The following RALA variants were observed in gnomAD, a reference collection of about 807,000 sequenced individuals.
RALA encodes the protein ras-related protein Ral-A.
Under a neutral mutation model 24.0 loss-of-function variants are expected in RALA, and 5 were observed. The ratio of observed to expected loss-of-function variants is 0.21; its 90% CI spans 0.11 to 0.44. The LOEUF (loss-of-function observed/expected upper bound fraction) is 0.44. RALA is among the 20% of genes least tolerant of loss of function. RALA has a pLI of 0.99. For missense variants in RALA, 95 were observed against 241.2 expected, an observed-to-expected ratio of 0.39 and a Z score of 4.01; for synonymous variants, 77 against 83.8, an observed-to-expected ratio of 0.92 and a Z score of 0.44.
intron 4 of RALA, among the ~76,000 whole-genome samples, chr7:39,699,542 C>G (rs1292114899): frequency 6.6e-6 from 1 of 152,190 alleles, no homozygotes; most frequent in Non-Finnish European, 1.5e-5. Context: ...CTGGAAATAT[C>G]CAAGTGTTCA....
chr7:39,691,070 C>T (rs954605078), intron 3 of RALA, among the ~76,000 whole-genome samples: 19 of 152,126 alleles, frequency 1.2e-4, no homozygotes, highest in African/African-American at 4.6e-4. Context: ...TTTCTTATTA[C>T]ATGGGAACCT....
intron 1 of RALA, among the ~76,000 whole-genome samples, chr7:39,640,708 A>G (rs1349790664): frequency 6.6e-6 from 1 of 152,188 alleles, no homozygotes; most frequent in African/African-American, 2.4e-5. Flanking sequence ...CCATGTATCT[A>G]TTAATAGTAT....
intron 1 of RALA, among the ~76,000 whole-genome samples, chr7:39,643,337 C>T (rs1791853129): frequency 6.6e-6 from 1 of 152,104 alleles, no homozygotes; most frequent in Non-Finnish European, 1.5e-5. Context: ...AGTTTATTTC[C>T]AAACAATTTT....
chr7:39,628,146 G>C (rs1791526481), intron 1 of RALA, among the ~76,000 whole-genome samples: 1 of 151,166 alleles, frequency 6.6e-6, no homozygotes, highest in South Asian at 2.1e-4. Context: ...TACTCCTACT[G>C]GTCCTTCAGA....
At chr7:39,643,985 A>T (rs1791883660) in intron 1 of RALA, among the ~76,000 whole-genome samples, 1 of 152,228 alleles carries the variant, frequency 6.6e-6, no homozygotes, top group South Asian at 2.1e-4. Context: ...ATAGCCTCTG[A>T]GAGCAGGTTA....
intron 4 of RALA, chr7:39,703,038 G>A (rs1230171812): frequency 1.3e-5 from 2 of 152,206 alleles, no homozygotes; most frequent in South Asian, 4.1e-4. Context: ...GATGATGGAT[G>A]TGCTAATTAC....
intron 3 of RALA, 71 bp from the exon 4 acceptor site, chr7:39,696,614 A>G (rs1182353971): frequency 3.2e-6 from 4 of 1,249,806 alleles, no homozygotes; most frequent in Non-Finnish European, 4.4e-6. Context: ...AAAAATAGGT[A>G]TGGGGCAAAC....
At chr7:39,681,751 T>C (rs1294221782) in intron 1 of RALA, among the ~76,000 whole-genome samples, 1 of 152,152 alleles carries the variant, frequency 6.6e-6, no homozygotes, top group African/African-American at 2.4e-5. Context: ...TCAAATATCA[T>C]CTGTAAACTG....
At chr7:39,690,923 A>G (rs1353023275) in intron 3 of RALA, among the ~76,000 whole-genome samples, 1 of 152,162 alleles carries the variant, frequency 6.6e-6, no homozygotes, top group Admixed American at 6.5e-5. Flanking sequence ...TAGAGCACAT[A>G]ATGGAGCTTA....
chr7:39,634,895 G>A (rs1194693189), intron 1 of RALA, among the ~76,000 whole-genome samples: 1 of 152,068 alleles, frequency 6.6e-6, no homozygotes, highest in South Asian at 2.1e-4. Flanking sequence ...GGTTACAACT[G>A]CTTGTCTTTT....
chr7:39,634,126 A>G (rs1443673468), intron 1 of RALA, among the ~76,000 whole-genome samples: 1 of 152,092 alleles, frequency 6.6e-6, no homozygotes, highest in Admixed American at 6.5e-5. Flanking sequence ...AGAACTCCTT[A>G]CAACTCTCAG....
At chr7:39,628,619 G>A (rs557900942) in intron 1 of RALA, among the ~76,000 whole-genome samples, 6 of 152,294 alleles carry the variant, frequency 3.9e-5, no homozygotes, top group Admixed American at 3.3e-4. Context: ...GCAGTGGCGC[G>A]ATTTCGGCTC....
At chr7:39,624,307 T>A (rs1791438584) in intron 1 of RALA, 1 of 102,000 alleles carries the variant, frequency 9.8e-6, no homozygotes, top group African/African-American at 3.6e-5. Context: ...TTTGTTTGTT[T>A]GTGTTTTTTT....
intron 1 of RALA, among the ~76,000 whole-genome samples, chr7:39,679,966 T>C (rs1792559735): frequency 6.6e-6 from 1 of 152,134 alleles, no homozygotes; most frequent in African/African-American, 2.4e-5. Context: ...CCCAAAGTGC[T>C]GGAATTACAG....
intron 1 of RALA, among the ~76,000 whole-genome samples, chr7:39,674,053 ATAAAT>A (rs1792435731): frequency 9.1e-6 from 1 of 109,962 alleles, no homozygotes; most frequent in African/African-American, 3.0e-5. Context: ...AAATAAATAA[ATAAAT>A]AAATAAATAA....
intron 1 of RALA, among the ~76,000 whole-genome samples, chr7:39,630,602 T>C (rs1291070689): frequency 6.6e-6 from 1 of 152,216 alleles, no homozygotes; most frequent in Non-Finnish European, 1.5e-5. Flanking sequence ...CTTCAGGTTA[T>C]AGAGAAATTC....
chr7:39,643,637 C>G (rs1043678472), intron 1 of RALA, among the ~76,000 whole-genome samples: 1 of 152,136 alleles, frequency 6.6e-6, no homozygotes, highest in Non-Finnish European at 1.5e-5. Context: ...AGGCGGATCA[C>G]TTGAGGTCAG....
intron 1 of RALA, among the ~76,000 whole-genome samples, chr7:39,646,434 AAC>A (rs1192744543): frequency 8.5e-5 from 13 of 152,214 alleles, no homozygotes; most frequent in Non-Finnish European, 1.5e-4. Flanking sequence ...CAGTCGGGGC[AAC>A]ACAGTGAGAC....
chr7:39,637,916 T>C (rs1255677519), intron 1 of RALA, among the ~76,000 whole-genome samples: 1 of 152,226 alleles, frequency 6.6e-6, no homozygotes, highest in Non-Finnish European at 1.5e-5. Flanking sequence ...TTCACCTTTG[T>C]GTACTTCAGC....
Sources: allele counts gnomAD v4.1 joint callset (sites outside exome capture counted in the v4.1 genomes callset), GRCh38; gene constraint gnomAD v4.1.1; transcripts MANE v1.5; gene names NCBI Gene and HGNC (gene_info 2026-07-23, HGNC 2026-07-21).